ANKIB1: variants seen among roughly 807,000 people sequenced by gnomAD.
ANKIB1 encodes the protein ankyrin repeat and IBR domain-containing protein 1.
Under a neutral mutation model 122.1 loss-of-function variants are expected in ANKIB1, and 43 were observed. That is an observed-to-expected ratio of 0.35 (90% CI 0.28 to 0.45). The LOEUF (loss-of-function observed/expected upper bound fraction) is 0.45. ANKIB1 is among the 20% of genes least tolerant of loss of function. ANKIB1 has a pLI of 1.00. For synonymous variants in ANKIB1, 390 were observed against 442.0 expected, an observed-to-expected ratio of 0.88 and a Z score of 1.48; for missense variants, 992 against 1,329.5, an observed-to-expected ratio of 0.75 and a Z score of 3.95.
At chr7:92,371,950 GGTGTGTGTGTGT>G (rs55936298) in intron 11 of ANKIB1, among the ~76,000 whole-genome samples, 8,396 of 118,056 alleles carry the variant, frequency 0.071, 371 homozygotes, top group African/African-American at 0.14. Context: ...TTGAGAGAGG[GGTGTGTGTGTGT>G]GTGTGTGTGT....
chr7:92,301,653 G>A (rs894357487), intron 2 of ANKIB1, among the ~76,000 whole-genome samples: 1 of 151,930 alleles, frequency 6.6e-6, no homozygotes, highest in Non-Finnish European at 1.5e-5. Context: ...CATTTTGCCA[G>A]ATTATTATTT....
chr7:92,350,429 C>T lies in ANKIB1; in HGVS notation c.1086-521C>T, dbSNP rs192983866. On this transcript the variant is annotated intron_variant, in intron 7 of 19. Coordinates refer to ENST00000265742, the MANE Select transcript of ANKIB1 (RefSeq NM_019004.2). ...ATAGAAACATAAAATATGAAACATA[C>T]GAGTGTATGTATATATGTGTATGCA... Among the ~76,000 whole-genome samples, 334 of 152,038 alleles carry T rather than the reference C, an allele frequency of 2.2e-3. 2 individuals are homozygous for T. Among genetic ancestry groups the T allele is most frequent in the African/African-American group, 7.6e-3 (315 of 41,468 alleles).
chr7:92,344,396 G>C (rs1053628734), intron 6 of ANKIB1, among the ~76,000 whole-genome samples: 2 of 151,652 alleles, frequency 1.3e-5, no homozygotes, highest in Non-Finnish European at 2.9e-5. Context: ...GTAGAGACAG[G>C]GTTTCACCAT....
At chr7:92,256,897 C>T (rs1016908005) in intron 1 of ANKIB1, among the ~76,000 whole-genome samples, 2 of 152,104 alleles carry the variant, frequency 1.3e-5, no homozygotes, top group Non-Finnish European at 2.9e-5. Context: ...GAAAAATTGT[C>T]ACAAGGGGCT....
intron 1 of ANKIB1, among the ~76,000 whole-genome samples, chr7:92,282,670 T>C (rs1300203313): frequency 6.6e-6 from 1 of 152,248 alleles, no homozygotes; most frequent in Non-Finnish European, 1.5e-5. Context: ...AATGTTTACT[T>C]TTCAGTCACT....
chr7:92,342,501 AC>A (rs1803459928), intron 5 of ANKIB1, among the ~76,000 whole-genome samples: 1 of 152,184 alleles, frequency 6.6e-6, no homozygotes, highest in South Asian at 2.1e-4. Context: ...TACCTAATTC[AC>A]TAAAACTTTA....
At chr7:92,356,446 A>G (rs936746817) in intron 9 of ANKIB1, among the ~76,000 whole-genome samples, 4 of 152,186 alleles carry the variant, frequency 2.6e-5, no homozygotes, top group Admixed American at 6.5e-5. Flanking sequence ...TAAAAACATG[A>G]TACTACTTAT....
chr7:92,318,005 G>A (rs1277498377), intron 3 of ANKIB1, among the ~76,000 whole-genome samples: 1 of 152,092 alleles, frequency 6.6e-6, no homozygotes, highest in Non-Finnish European at 1.5e-5. Context: ...GTCCAGTCAT[G>A]GTTAAAAACT....
chr7:92,319,233 TTG>T (rs1323858778), intron 3 of ANKIB1, 95 bp from the exon 4 acceptor site: 1 of 771,782 alleles, frequency 1.3e-6, no homozygotes, highest in South Asian at 2.1e-5. Flanking sequence ...TGCATTTTTG[TTG>T]TGTTAATTTT....
At chr7:92,350,245 A>G (rs1803630178) in intron 7 of ANKIB1, among the ~76,000 whole-genome samples, 1 of 152,142 alleles carries the variant, frequency 6.6e-6, no homozygotes, top group Admixed American at 6.5e-5. Flanking sequence ...ATCTTGAATT[A>G]TCTATGGCTC....
intron 1 of ANKIB1, among the ~76,000 whole-genome samples, chr7:92,263,368 G>T (rs1801603688): frequency 6.6e-6 from 1 of 152,096 alleles, no homozygotes; most frequent in Admixed American, 6.5e-5. Flanking sequence ...TGAAAGGTTG[G>T]ATTTCATAAA....
At chr7:92,383,810 A>G (rs1562798977) in intron 11 of ANKIB1, among the ~76,000 whole-genome samples, 1 of 152,222 alleles carries the variant, frequency 6.6e-6, no homozygotes, top group Non-Finnish European at 1.5e-5. Context: ...AACTGGAAGC[A>G]TTCCCTTTGA....
chr7:92,400,343 G>A lies in ANKIB1; in HGVS notation c.*1394G>A, dbSNP rs1470917180. 6.6e-6 allele frequency: 1 copy of A among 152,188 alleles called. No homozygotes were observed. The highest frequency in any genetic ancestry group is 1.5e-5 in the Non-Finnish European group (1 of 68,026). The allele number at this position is 152,188 out of a possible 1,614,324, so 9.4% of individuals were successfully genotyped here. On this transcript the variant is annotated 3_prime_UTR_variant, in exon 20 of 20. Transcript: ENST00000265742. Reference sequence around the variant, plus strand: ...GTTGTAATTAGGATACAATGGTACAGTGTGTAATTAAAACTAGAGTAAACT... The same window carrying A: ...GTTGTAATTAGGATACAATGGTACAATGTGTAATTAAAACTAGAGTAAACT...
At position 92,320,059 on chromosome 7, in the gene ANKIB1, ACTC is replaced by A. The variant is rs145480856; in HGVS notation, c.669+553_669+555del. 3.0e-3 allele frequency: 450 copies of A among 152,250 alleles called. 12 individuals are homozygous for A. The East Asian group carries it at 0.067, about 23-fold the overall frequency. The allele number at this position is 152,250 out of a possible 1,614,324, so 9.4% of individuals were successfully genotyped here. A position where few individuals can be genotyped will look rare whatever the true frequency, so the allele number is the denominator to read the frequency against. On this transcript the variant is annotated intron_variant, in intron 4 of 19. Coordinates refer to ENST00000265742, the MANE Select transcript of ANKIB1 (RefSeq NM_019004.2). ...CTGATGTGAGATATGAATCCCATTT[ACTC>A]CTCCTACTACAAGACTCCAGTCCTC...
intron 1 of ANKIB1, among the ~76,000 whole-genome samples, chr7:92,264,789 C>T (rs912779644): frequency 6.6e-6 from 1 of 152,094 alleles, no homozygotes; most frequent in South Asian, 2.1e-4. Flanking sequence ...GTGAATAAAA[C>T]AATTATGGTC....
At chr7:92,262,917 A>G (rs973161442) in intron 1 of ANKIB1, among the ~76,000 whole-genome samples, 2 of 152,186 alleles carry the variant, frequency 1.3e-5, no homozygotes, top group Admixed American at 6.5e-5. Flanking sequence ...CCCTTACTTC[A>G]TAATGGCCAA....
chr7:92,328,172 G>A (rs967686760), intron 5 of ANKIB1, among the ~76,000 whole-genome samples: 5 of 152,248 alleles, frequency 3.3e-5, no homozygotes, highest in Admixed American at 2.6e-4. Context: ...TCTAATTTTA[G>A]AAATATGTCT....
rs550091916 is a variant in ANKIB1 at position 92,317,115 on chromosome 7, A to C, written c.487-2215A>C. ...CCTGTGAAACAGAGAGGGTAGAAAT[A>C]GTAATAGATCCTGCTATGGATATGA... On this transcript the variant is annotated intron_variant, in intron 3 of 19. Coordinates refer to ENST00000265742, the MANE Select transcript of ANKIB1 (RefSeq NM_019004.2). Among the ~76,000 whole-genome samples the C allele has an allele frequency of 2.6e-5, 4 of 152,346 alleles. No homozygotes were observed. In the South Asian group the frequency reaches 8.3e-4, roughly 32 times the overall value.
chr7:92,376,922 C>A (rs1307406081), intron 11 of ANKIB1, among the ~76,000 whole-genome samples: 1 of 152,146 alleles, frequency 6.6e-6, no homozygotes, highest in Non-Finnish European at 1.5e-5. Context: ...AATTTCATGG[C>A]TCATTTGATC....
Sources: gnomAD v4.1 joint callset for allele counts (sites outside exome capture counted in the v4.1 genomes callset) on GRCh38, gnomAD v4.1.1 for gene constraint, MANE v1.5 for transcripts, NCBI Gene and HGNC (gene_info 2026-07-23, HGNC 2026-07-21) for gene names.